GRM3: variants seen among roughly 807,000 people sequenced by gnomAD.
GRM3 encodes the protein glutamate metabotropic receptor 3, also known as metabotropic glutamate receptor 3.
A neutral mutation model predicts 70.5 loss-of-function variants in GRM3; 26 were observed. The ratio of observed to expected loss-of-function variants is 0.37; its 90% CI spans 0.27 to 0.51. The LOEUF (loss-of-function observed/expected upper bound fraction) is 0.51. Ranked by LOEUF, GRM3 falls within the 20% of genes least tolerant of loss-of-function variation. The pLI, the probability that GRM3 is intolerant of heterozygous loss-of-function variation, is 0.93. For synonymous variants in GRM3, 443 were observed against 434.9 expected (o/e 1.02, Z -0.23); for missense variants, 859 against 1,123.8 (o/e 0.76, Z 3.37).
chr7:86,753,613 T>C (rs1267966568), intron 1 of GRM3, among the ~76,000 whole-genome samples: 1 of 152,172 alleles, frequency 6.6e-6, no homozygotes, highest in Non-Finnish European at 1.5e-5. Context: ...TATTTCCTTT[T>C]AAAATGCTCG....
Position 86,787,792 on chromosome 7 carries a change from C to A in GRM3, c.1324+676C>A, listed in dbSNP as rs527359459. ...AAGACTAATGGAATTCATTCTGATACAGTAGTGAACATCATACAAAGGTGT... is the reference window on the plus strand; with the variant it reads ...AAGACTAATGGAATTCATTCTGATAAAGTAGTGAACATCATACAAAGGTGT... On this transcript the variant is annotated intron_variant, in intron 3 of 5. Coordinates refer to ENST00000361669, the MANE Select transcript of GRM3 (RefSeq NM_000840.3). 2.1e-3 allele frequency among the ~76,000 whole-genome samples: 317 copies of A among 152,324 alleles called. 1 individual carries two copies. The highest frequency in any genetic ancestry group is 0.01 in the Middle Eastern group (3 of 294).
chr7:86,723,237 A>G (rs904143257), intron 1 of GRM3, among the ~76,000 whole-genome samples: 6 of 151,792 alleles, frequency 4.0e-5, no homozygotes, highest in Admixed American at 3.9e-4. Flanking sequence ...TAAAAAAAAT[A>G]TAGAATATAG....
intron 3 of GRM3, among the ~76,000 whole-genome samples, chr7:86,795,717 T>C (rs926102746): frequency 2.0e-5 from 3 of 152,208 alleles, no homozygotes; most frequent in Non-Finnish European, 4.4e-5. Flanking sequence ...TAGTGAATAG[T>C]GTTGCAATGG....
intron 3 of GRM3, among the ~76,000 whole-genome samples, chr7:86,812,089 A>G (rs1797921268): frequency 6.6e-6 from 1 of 151,820 alleles, no homozygotes; most frequent in Non-Finnish European, 1.5e-5. Context: ...GTCTGTAGTC[A>G]CGGCATTCAC....
rs750084509 is a variant in GRM3 at position 86,786,783 on chromosome 7, C to G, written c.991C>G (p.Arg331Gly). Residue 331 changes from arginine (R) to glycine (G), a missense_variant, in exon 3 of 6, where the codon CGC (arginine) becomes GGC (glycine). Coordinates refer to ENST00000361669, the MANE Select transcript of GRM3 (RefSeq NM_000840.3). The surrounding 1 kb of genome is among the most constrained non-coding windows in gnomAD (Gnocchi z 6.0). ...ITLELASQPV[R>G]QFDRYFQSLN... ...CCTGGAGCTGGCCTCCCAGCCTGTC[C>G]GCCAGTTCGACCGCTACTTCCAGAG... The G allele has an allele frequency of 1.9e-6, 3 of 1,614,084 alleles. No individual in the cohort carries two copies. Among genetic ancestry groups the G allele is most frequent in the East Asian group, 2.2e-5 (1 of 44,872 alleles).
At chr7:86,739,126 G>A (rs928586320) in intron 1 of GRM3, among the ~76,000 whole-genome samples, 16 of 152,160 alleles carry the variant, frequency 1.1e-4, no homozygotes, top group Admixed American at 3.3e-4. Context: ...TACAGGCACC[G>A]CCATTATGCC....
chr7:86,817,716 G>T (rs757714780), intron 3 of GRM3, among the ~76,000 whole-genome samples: 3 of 151,970 alleles, frequency 2.0e-5, no homozygotes, highest in Non-Finnish European at 2.9e-5. Context: ...TAATATTAAA[G>T]CACATACTAC....
intron 1 of GRM3, among the ~76,000 whole-genome samples, chr7:86,750,451 G>T (rs1796203321): frequency 6.6e-6 from 1 of 152,026 alleles, no homozygotes; most frequent in Non-Finnish European, 1.5e-5. Flanking sequence ...GAATTAGCTT[G>T]CCCAGACTTG....
At chr7:86,849,326 A>G (rs923753364) in intron 4 of GRM3, among the ~76,000 whole-genome samples, 1 of 152,192 alleles carries the variant, frequency 6.6e-6, no homozygotes, top group Non-Finnish European at 1.5e-5. Flanking sequence ...GCACTGGACT[A>G]GTTAAGAGAG....
chr7:86,698,529 T>C (rs1224807180), intron 1 of GRM3, among the ~76,000 whole-genome samples: 3 of 142,376 alleles, frequency 2.1e-5, no homozygotes, highest in Admixed American at 7.0e-5. Flanking sequence ...TTTATATATA[T>C]ATATATATAA....
intron 1 of GRM3, among the ~76,000 whole-genome samples, chr7:86,667,080 A>G (rs73704987): frequency 0.021 from 3,204 of 152,234 alleles, 118 homozygotes; most frequent in African/African-American, 0.072. Context: ...GCAGGAAGCA[A>G]CTTATCAAAT....
intron 1 of GRM3, among the ~76,000 whole-genome samples, chr7:86,757,071 A>C (rs1476665026): frequency 6.6e-6 from 1 of 152,030 alleles, no homozygotes; most frequent in Admixed American, 6.6e-5. Flanking sequence ...TTCCCCAACT[A>C]TTCATTCATT....
chr7:86,682,080 A>G (rs981355946), intron 1 of GRM3, among the ~76,000 whole-genome samples: 6 of 152,210 alleles, frequency 3.9e-5, no homozygotes, highest in African/African-American at 1.4e-4. Context: ...AGGTTAAACA[A>G]TTCTTATCCT....
At chr7:86,854,640 A>G (rs1798814080) in intron 5 of GRM3, among the ~76,000 whole-genome samples, 1 of 152,162 alleles carries the variant, frequency 6.6e-6, no homozygotes, top group African/African-American at 2.4e-5. Flanking sequence ...CCCTGGTCCC[A>G]CCCATAGATA....
chr7:86,837,269 C>T (rs1213612610), intron 3 of GRM3, among the ~76,000 whole-genome samples: 1 of 152,124 alleles, frequency 6.6e-6, no homozygotes, highest in African/African-American at 2.4e-5. Context: ...TTACCAAGAG[C>T]CCAAGTAATT....
intron 1 of GRM3, among the ~76,000 whole-genome samples, chr7:86,646,742 T>C (rs1430593163): frequency 1.3e-5 from 2 of 152,132 alleles, no homozygotes; most frequent in Non-Finnish European, 2.9e-5. Flanking sequence ...CAGATGTCTT[T>C]CTATTTATTT....
At chr7:86,694,529 G>GAAAAAAAAAAAAAAAAAAAAAAAA (rs71523715) in intron 1 of GRM3, among the ~76,000 whole-genome samples, 1 of 69,344 alleles carries the variant, frequency 1.4e-5, no homozygotes, top group Non-Finnish European at 2.7e-5. Flanking sequence ...AAAAAAAAAA[G>GAAAAAAAAAAAAAAAAAAAAAAAA]AAAAGAAAGA....
intron 1 of GRM3, among the ~76,000 whole-genome samples, chr7:86,706,540 T>C (rs1795061302): frequency 6.6e-6 from 1 of 152,020 alleles, no homozygotes; most frequent in African/African-American, 2.4e-5. Context: ...AGTATGCTGA[T>C]GTGCAAGTGG....
chr7:86,784,279 T>C (rs1293768937), intron 2 of GRM3: 1 of 152,178 alleles, frequency 6.6e-6, no homozygotes, highest in Non-Finnish European at 1.5e-5. Flanking sequence ...TTCAGCAGTT[T>C]AGGATTGTTT....
Sources: allele counts gnomAD v4.1 joint callset (sites outside exome capture counted in the v4.1 genomes callset), GRCh38; gene constraint gnomAD v4.1.1; non-coding constraint Gnocchi (gnomAD v3.1); transcripts MANE v1.5; gene names NCBI Gene and HGNC (gene_info 2026-07-23, HGNC 2026-07-21).